The following NAALADL2 variants were observed in gnomAD, a reference collection of about 807,000 sequenced individuals.
NAALADL2 encodes the protein N-acetylated alpha-linked acidic dipeptidase like 2.
In NAALADL2, 76 loss-of-function variants were observed where a neutral mutation model predicts 87.2. The ratio of observed to expected loss-of-function variants is 0.87; its 90% CI spans 0.72 to 1.05. The LOEUF is 1.05. Among genes scored for constraint, NAALADL2 ranks in the 50% least tolerant of loss-of-function variants. The pLI is 0.00. For missense variants in NAALADL2, 1,089 were observed against 945.8 expected (o/e 1.15, Z -1.99); for synonymous variants, 354 against 331.0 (o/e 1.07, Z -0.75).
At chr3:175,438,295 A>C (rs1001430911) in intron 5 of NAALADL2, among the ~76,000 whole-genome samples, 1 of 152,150 alleles carries the variant, frequency 6.6e-6, no homozygotes, top group Non-Finnish European at 1.5e-5. Context: ...ATACTGAAAT[A>C]ATAAAGGATC....
chr3:175,290,600 T>C (rs1049591901), intron 4 of NAALADL2, among the ~76,000 whole-genome samples: 1 of 152,212 alleles, frequency 6.6e-6, no homozygotes, highest in Non-Finnish European at 1.5e-5. Context: ...TTTTATAATA[T>C]GAAAATTATA....
intron 11 of NAALADL2, among the ~76,000 whole-genome samples, chr3:175,660,017 G>A (rs182854314): frequency 7.7e-4 from 117 of 152,230 alleles, no homozygotes; most frequent in African/African-American, 2.7e-3. Flanking sequence ...CAGCAGATTT[G>A]ATTTCAAATG....
At chr3:175,154,865 A>G (rs1732067666) in intron 2 of NAALADL2, among the ~76,000 whole-genome samples, 1 of 152,174 alleles carries the variant, frequency 6.6e-6, no homozygotes, top group African/African-American at 2.4e-5. Flanking sequence ...GATTTGTAGC[A>G]AATCACAGTA....
At chr3:175,097,527 T>C (rs1375659522) in intron 2 of NAALADL2, among the ~76,000 whole-genome samples, 1 of 152,132 alleles carries the variant, frequency 6.6e-6, no homozygotes, top group Non-Finnish European at 1.5e-5. Context: ...ATAACTACTA[T>C]GGAGACTAAA....
At chr3:174,886,433 C>T (rs749300925) in intron 1 of NAALADL2, among the ~76,000 whole-genome samples, 12 of 152,132 alleles carry the variant, frequency 7.9e-5, no homozygotes, top group Non-Finnish European at 1.8e-4. Flanking sequence ...TGTTAATCTC[C>T]TCTGGAAACA....
At chr3:174,488,175 T>C (rs1717972979) in intron 1 of NAALADL2, among the ~76,000 whole-genome samples, 1 of 152,038 alleles carries the variant, frequency 6.6e-6, no homozygotes, top group Non-Finnish European at 1.5e-5. Flanking sequence ...ACTGCTTATA[T>C]ATTACTTTAC....
intron 11 of NAALADL2, chr3:175,718,393 T>A (rs773544534): frequency 4.4e-6 from 7 of 1,592,284 alleles, no homozygotes; most frequent in Non-Finnish European, 5.2e-6. Context: ...AACTATTTAC[T>A]CCATTCATAT....
At chr3:174,884,595 G>T (rs1207299241) in intron 1 of NAALADL2, among the ~76,000 whole-genome samples, 1 of 152,146 alleles carries the variant, frequency 6.6e-6, no homozygotes, top group Non-Finnish European at 1.5e-5. Flanking sequence ...TTGTGTGCAG[G>T]ATAGGCAAAT....
chr3:174,650,011 G>A (rs927371475), intron 2 of NAALADL2, among the ~76,000 whole-genome samples: 6 of 151,880 alleles, frequency 4.0e-5, no homozygotes, highest in African/African-American at 1.5e-4. Context: ...CTTTTATAAA[G>A]CTATTTCAAT....
intron 2 of NAALADL2, among the ~76,000 whole-genome samples, chr3:174,725,793 A>G (rs1344464156): frequency 2.6e-5 from 4 of 152,198 alleles, no homozygotes; most frequent in Non-Finnish European, 5.9e-5. Context: ...GATATTGCTT[A>G]TAGCAAGAGC....
intron 1 of NAALADL2, among the ~76,000 whole-genome samples, chr3:174,975,925 T>C (rs576749413): frequency 1.3e-5 from 2 of 152,356 alleles, no homozygotes; most frequent in East Asian, 3.9e-4. Context: ...ACCTTGATTT[T>C]AAATTTGTGA....
intron 3 of NAALADL2, among the ~76,000 whole-genome samples, chr3:174,851,968 G>A (rs1052744443): frequency 5.3e-5 from 8 of 152,190 alleles, no homozygotes; most frequent in African/African-American, 1.9e-4. Flanking sequence ...CAGAATGAAG[G>A]AGAAAATCTA....
At chr3:174,768,664 A>T (rs1714159775) in intron 3 of NAALADL2, among the ~76,000 whole-genome samples, 1 of 152,186 alleles carries the variant, frequency 6.6e-6, no homozygotes, top group Non-Finnish European at 1.5e-5. Flanking sequence ...AGCAGATTAT[A>T]AAATATGGTT....
chr3:174,642,099 T>C (rs1348507883), intron 2 of NAALADL2, among the ~76,000 whole-genome samples: 3 of 152,152 alleles, frequency 2.0e-5, no homozygotes, highest in Non-Finnish European at 4.4e-5. Context: ...GCCCTTAATA[T>C]TCACATGAAT....
chr3:175,737,729 T>TTTG (rs1553962819), intron 12 of NAALADL2, among the ~76,000 whole-genome samples: 3 of 142,380 alleles, frequency 2.1e-5, no homozygotes, highest in Non-Finnish European at 4.6e-5. Context: ...TTTTTTTTTT[T>TTTG]TTTTTTTTTT....
rs191457377 is a variant in NAALADL2 at position 175,308,818 on chromosome 3, C to G, written c.940-15357C>G. Among the ~76,000 whole-genome samples the G allele has an allele frequency of 7.6e-4, 116 of 152,270 alleles. 1 individual carries two copies. The East Asian group carries it at 0.011, about 14-fold the overall frequency. On this transcript the variant is annotated intron_variant, in intron 4 of 13. Transcript: ENST00000454872. The stretch of plus-strand genomic sequence containing the variant: ...ACTGGTAATCTATAAACTATACAGA[C>G]AAGTGACATGCACTCTGACCCTTCT...
intron 5 of NAALADL2, among the ~76,000 whole-genome samples, chr3:175,386,993 GA>G (rs557623041): frequency 2.3e-4 from 35 of 152,142 alleles, no homozygotes; most frequent in Middle Eastern, 3.4e-3. Flanking sequence ...AATAAAGAAA[GA>G]AAAAAACTTA....
At chr3:174,658,165 G>C (rs567628652) in intron 2 of NAALADL2, among the ~76,000 whole-genome samples, 1 of 152,256 alleles carries the variant, frequency 6.6e-6, no homozygotes, top group East Asian at 1.9e-4. Flanking sequence ...TGTACGGTAA[G>C]AGCATGTTTA....
intron 2 of NAALADL2, among the ~76,000 whole-genome samples, chr3:174,589,145 C>T (rs1476032063): frequency 3.9e-5 from 6 of 152,110 alleles, no homozygotes; most frequent in South Asian, 2.1e-4. Context: ...TAGCAGCGAG[C>T]GAGGCTCCTT....
Sources: gnomAD v4.1 joint callset for allele counts (sites outside exome capture counted in the v4.1 genomes callset) on GRCh38, gnomAD v4.1.1 for gene constraint, MANE v1.5 for transcripts, NCBI Gene and HGNC (gene_info 2026-07-23, HGNC 2026-07-21) for gene names.